The following KCNH1 variants were observed in gnomAD, a reference collection of about 807,000 sequenced individuals.
KCNH1 encodes the protein potassium voltage-gated channel subfamily H member 1.
In KCNH1, 27 loss-of-function variants were observed where a neutral mutation model predicts 69.2. That is an observed-to-expected ratio of 0.39 (90% confidence interval 0.29 to 0.54). The LOEUF is 0.54. Among genes scored for constraint, KCNH1 ranks in the 20% least tolerant of loss-of-function variants. The probability of loss-of-function intolerance (pLI) is 0.68; values close to 1 mark genes in which losing one functional copy is unlikely to be tolerated. For synonymous variants in KCNH1, 456 were observed against 487.7 expected (o/e 0.93, Z 0.86); for missense variants, 798 against 1,261.6 (o/e 0.63, Z 5.57).
At chr1:211,096,938 G>T (rs972239717) in intron 3 of KCNH1, among the ~76,000 whole-genome samples, 3 of 152,084 alleles carry the variant, frequency 2.0e-5, no homozygotes, top group African/African-American at 7.2e-5. Context: ...ACTTACAAAG[G>T]GGTCAGACCC....
chr1:210,990,519 C>T (rs1254796866), intron 6 of KCNH1, among the ~76,000 whole-genome samples: 1 of 152,092 alleles, frequency 6.6e-6, no homozygotes, highest in Non-Finnish European at 1.5e-5. Flanking sequence ...AAGTGTGACC[C>T]TGGGCAAGGT....
At chr1:211,016,269 C>CTCTT (rs1015837501) in intron 6 of KCNH1, among the ~76,000 whole-genome samples, 3 of 152,116 alleles carry the variant, frequency 2.0e-5, no homozygotes, top group African/African-American at 7.2e-5. Context: ...TGGTTTGGAA[C>CTCTT]TCTTTCCTAG....
At chr1:210,913,765 T>C (rs1360870110) in intron 7 of KCNH1, among the ~76,000 whole-genome samples, 2 of 152,174 alleles carry the variant, frequency 1.3e-5, no homozygotes, top group African/African-American at 4.8e-5. Context: ...CCATATCAGT[T>C]TTCCTTGCAT....
At chr1:210,817,484 T>C (rs1294999612) in intron 7 of KCNH1, among the ~76,000 whole-genome samples, 1 of 152,296 alleles carries the variant, frequency 6.6e-6, no homozygotes, top group Non-Finnish European at 1.5e-5. Flanking sequence ...TGGTAAAGAA[T>C]CTAGTCAAAA....
At chr1:211,122,715 C>A (rs894319956) in intron 1 of KCNH1, among the ~76,000 whole-genome samples, 1 of 152,264 alleles carries the variant, frequency 6.6e-6, no homozygotes, top group South Asian at 2.1e-4. Flanking sequence ...CCTCAGAAAA[C>A]TAACCTGGGG....
At chr1:210,930,911 C>T (rs1217053810) in intron 6 of KCNH1, among the ~76,000 whole-genome samples, 1 of 152,086 alleles carries the variant, frequency 6.6e-6, no homozygotes, top group African/African-American at 2.4e-5. Flanking sequence ...ATACAAATGG[C>T]CAACAAGCAT....
intron 7 of KCNH1, among the ~76,000 whole-genome samples, chr1:210,897,062 C>T (rs1241055770): frequency 2.0e-5 from 3 of 152,180 alleles, no homozygotes; most frequent in Non-Finnish European, 4.4e-5. Flanking sequence ...GCCCAGGGGG[C>T]TTTGCTCCAC....
intron 6 of KCNH1, among the ~76,000 whole-genome samples, chr1:210,982,418 C>A (rs1287891275): frequency 6.6e-6 from 1 of 152,032 alleles, no homozygotes; most frequent in Non-Finnish European, 1.5e-5. Context: ...ATCCCTCCCC[C>A]TTCCCCCCAC....
At chr1:210,807,741 A>G (rs539646532) in intron 7 of KCNH1, among the ~76,000 whole-genome samples, 1 of 152,196 alleles carries the variant, frequency 6.6e-6, no homozygotes, top group Non-Finnish European at 1.5e-5. Flanking sequence ...TGCATGTTTC[A>G]ATAGTTCCTT....
chr1:210,997,713 G>A (rs1689079294), intron 6 of KCNH1, among the ~76,000 whole-genome samples: 1 of 152,174 alleles, frequency 6.6e-6, no homozygotes, highest in Non-Finnish European at 1.5e-5. Context: ...ATAATTGTCA[G>A]ATTCACCAAC....
chr1:210,895,982 G>T (rs1686858000), intron 7 of KCNH1, among the ~76,000 whole-genome samples: 2 of 152,122 alleles, frequency 1.3e-5, no homozygotes, highest in African/African-American at 4.8e-5. Context: ...GAGTAATTTA[G>T]GATGTCAACA....
At chr1:210,999,391 C>T (rs1689123531) in intron 6 of KCNH1, among the ~76,000 whole-genome samples, 1 of 152,138 alleles carries the variant, frequency 6.6e-6, no homozygotes, top group Admixed American at 6.5e-5. Context: ...AACACCTCTA[C>T]ACAAATAAAC....
intron 7 of KCNH1, among the ~76,000 whole-genome samples, chr1:210,844,940 C>T (rs1338672020): frequency 6.6e-6 from 1 of 152,134 alleles, no homozygotes; most frequent in Non-Finnish European, 1.5e-5. Flanking sequence ...TCAGAGAATA[C>T]TATAAACACC....
chr1:211,057,315 GA>G (rs1385906622), intron 5 of KCNH1, among the ~76,000 whole-genome samples: 3 of 152,062 alleles, frequency 2.0e-5, no homozygotes, highest in Non-Finnish European at 4.4e-5. Context: ...CAGGCTATTT[GA>G]AAATACACAA....
At chr1:210,779,005 T>C (rs1404831419) in intron 9 of KCNH1, among the ~76,000 whole-genome samples, 2 of 152,144 alleles carry the variant, frequency 1.3e-5, no homozygotes, top group East Asian at 1.9e-4. Flanking sequence ...ATCTATTGCA[T>C]AAAACAAGGG....
At chr1:211,092,486 T>C (rs575145402) in intron 3 of KCNH1, among the ~76,000 whole-genome samples, 1 of 152,356 alleles carries the variant, frequency 6.6e-6, no homozygotes, top group South Asian at 2.1e-4. Flanking sequence ...CTTCTTTCCA[T>C]TCTCTTTGCA....
At chr1:210,868,844 G>C (rs955669698) in intron 7 of KCNH1, among the ~76,000 whole-genome samples, 1 of 151,948 alleles carries the variant, frequency 6.6e-6, no homozygotes, top group Non-Finnish European at 1.5e-5. Context: ...GGGATTTGCT[G>C]TTTATTCTTT....
intron 6 of KCNH1, among the ~76,000 whole-genome samples, chr1:210,932,235 CA>C (rs1386703684): frequency 6.6e-6 from 1 of 152,080 alleles, no homozygotes; most frequent in Admixed American, 6.5e-5. Flanking sequence ...GAAAAAGCTT[CA>C]AGTCACATAT....
At chr1:210,874,556 C>T (rs927133634) in intron 7 of KCNH1, among the ~76,000 whole-genome samples, 4 of 152,090 alleles carry the variant, frequency 2.6e-5, no homozygotes, top group Non-Finnish European at 5.9e-5. Context: ...ATAGTGAATA[C>T]CAAGGCAAGA....
Sources: gnomAD v4.1 joint callset for allele counts (sites outside exome capture counted in the v4.1 genomes callset) on GRCh38, gnomAD v4.1.1 for gene constraint, MANE v1.5 for transcripts, NCBI Gene and HGNC (gene_info 2026-07-23, HGNC 2026-07-21) for gene names.